Variants in MAP6 observed in about 807,000 individuals in gnomAD.
MAP6 encodes microtubule associated protein 6.
Under a neutral mutation model 42.4 loss-of-function variants are expected in MAP6, and 26 were observed. That is an observed-to-expected ratio of 0.61 (90% confidence interval 0.45 to 0.85). MAP6 has a LOEUF of 0.85. Among genes scored for constraint, MAP6 ranks in the 40% least tolerant of loss-of-function variants. The pLI, the probability that MAP6 is intolerant of heterozygous loss-of-function variation, is 0.00. For synonymous variants in MAP6, 418 were observed against 443.8 expected (o/e 0.94, Z 0.73); for missense variants, 966 against 1,099.0 (o/e 0.88, Z 1.71).
At chr11:75,657,775 AC>A (rs1170048650) in intron 1 of MAP6, among the ~76,000 whole-genome samples, 1 of 152,166 alleles carries the variant, frequency 6.6e-6, no homozygotes, top group Non-Finnish European at 1.5e-5. Flanking sequence ...TTCAAAGCCA[AC>A]AACCGCCAGT....
intron 1 of MAP6, among the ~76,000 whole-genome samples, chr11:75,658,992 C>T (rs1160253272): frequency 6.6e-6 from 1 of 152,204 alleles, no homozygotes; most frequent in Non-Finnish European, 1.5e-5. Flanking sequence ...TGTCTCTGTC[C>T]AATAACCATA....
chr11:75,619,961 C>T (rs982809390), intron 1 of MAP6, among the ~76,000 whole-genome samples: 2 of 152,156 alleles, frequency 1.3e-5, no homozygotes, highest in African/African-American at 4.8e-5. Flanking sequence ...CCTTTTTCTC[C>T]TCTACCTCAC....
intron 1 of MAP6, among the ~76,000 whole-genome samples, chr11:75,608,750 CTGATA>C (rs1942828859): frequency 6.6e-6 from 1 of 152,232 alleles, no homozygotes; most frequent in South Asian, 2.1e-4. Flanking sequence ...GGCACACTGT[CTGATA>C]TATTGTGGCA....
chr11:75,651,933 C>T (rs1055499974), intron 1 of MAP6, among the ~76,000 whole-genome samples: 4 of 152,120 alleles, frequency 2.6e-5, no homozygotes, highest in African/African-American at 9.7e-5. Context: ...CAGATACAGC[C>T]CTCTGCCTGT....
At chr11:75,649,195 TAC>T (rs1201636035) in intron 1 of MAP6, among the ~76,000 whole-genome samples, 27 of 152,340 alleles carry the variant, frequency 1.8e-4, no homozygotes, top group Admixed American at 6.5e-4. Flanking sequence ...GGCAGATTTA[TAC>T]AGCCATTAAA....
At chr11:75,648,564 T>C (rs115691056) in intron 1 of MAP6, among the ~76,000 whole-genome samples, 2 of 152,144 alleles carry the variant, frequency 1.3e-5, no homozygotes, top group African/African-American at 4.8e-5. Context: ...TTTATAACTT[T>C]GGGATAGTGA....
At chr11:75,656,596 AC>A (rs1261570868) in intron 1 of MAP6, among the ~76,000 whole-genome samples, 4 of 152,056 alleles carry the variant, frequency 2.6e-5, no homozygotes, top group African/African-American at 9.7e-5. Flanking sequence ...CTCCTCCCTC[AC>A]ATACCAGAGA....
At chr11:75,610,647 A>G (rs1480631209) in intron 1 of MAP6, among the ~76,000 whole-genome samples, 1 of 152,178 alleles carries the variant, frequency 6.6e-6, no homozygotes. Context: ...TTAGTTTTGG[A>G]AAGAGAATTT....
chr11:75,642,757 A>G (rs1215337015), intron 1 of MAP6: 1 of 321,982 alleles, frequency 3.1e-6, no homozygotes, highest in Non-Finnish European at 6.7e-6. Context: ...TGGAATGCCA[A>G]GGCTAAAAGC....
intron 3 of MAP6, chr11:75,604,073 G>A: frequency 2.0e-6 from 2 of 985,840 alleles, no homozygotes; most frequent in Non-Finnish European, 2.4e-6. Context: ...CATAAACACG[G>A]AGACCCACCA....
chr11:75,616,514 C>G (rs1223164378), intron 1 of MAP6, among the ~76,000 whole-genome samples: 3 of 152,228 alleles, frequency 2.0e-5, no homozygotes, highest in Non-Finnish European at 2.9e-5. Context: ...CTCCTTCGTG[C>G]ACTCTGATGG....
intron 3 of MAP6, chr11:75,602,733 C>T: frequency 1.4e-6 from 1 of 707,682 alleles, no homozygotes; most frequent in Non-Finnish European, 1.7e-6. Context: ...AAGAGTCAAG[C>T]TGCATTATGG....
At chr11:75,639,134 G>C (rs1443408769) in intron 1 of MAP6, among the ~76,000 whole-genome samples, 4 of 152,154 alleles carry the variant, frequency 2.6e-5, no homozygotes, top group African/African-American at 7.2e-5. Flanking sequence ...AACAACTTTG[G>C]AAATTCAGAA....
intron 1 of MAP6, among the ~76,000 whole-genome samples, chr11:75,624,887 C>T (rs1024742695): frequency 2.6e-5 from 4 of 152,126 alleles, no homozygotes; most frequent in Non-Finnish European, 5.9e-5. Context: ...TGTTTCATGC[C>T]GCTGGGCCTC....
intron 1 of MAP6, among the ~76,000 whole-genome samples, chr11:75,653,335 T>A (rs1943681849): frequency 6.6e-6 from 1 of 152,192 alleles, no homozygotes; most frequent in Non-Finnish European, 1.5e-5. Context: ...GGAGGAGTCC[T>A]TGGGGCCCCT....
chr11:75,614,917 C>T (rs1370341183), intron 1 of MAP6, among the ~76,000 whole-genome samples: 1 of 152,160 alleles, frequency 6.6e-6, no homozygotes, highest in Non-Finnish European at 1.5e-5. Context: ...TGCAGCATGA[C>T]CTTAATGGAG....
At chr11:75,597,240 C>A (rs1942596233) in intron 3 of MAP6, 1 of 152,212 alleles carries the variant, frequency 6.6e-6, no homozygotes, top group Admixed American at 6.5e-5. Context: ...TCAGGTCTTT[C>A]CCTGCCACTC....
At position 75,587,915 on chromosome 11, in the gene MAP6, T is replaced by C; in HGVS notation, c.1586A>G (p.Gln529Arg). ...TGGAGGAACTGGGACCGAGGGACCTTGGTCCTTGACTGGTGCTGAGATAAC... is the reference window on the plus strand; with the variant it reads ...TGGAGGAACTGGGACCGAGGGACCTCGGTCCTTGACTGGTGCTGAGATAAC... ...SPVISAPVKD[Q>R]GPSVPVPPKN... Residue 529 changes from glutamine (Q) to arginine (R), a missense_variant, in exon 4 of 4, where the codon CAA becomes CGA. Transcript: ENST00000304771. The C allele has an allele frequency of 6.2e-7, 1 of 1,614,188 alleles. No homozygotes were observed. Among genetic ancestry groups the C allele is most frequent in the South Asian group, 1.1e-5 (1 of 91,080 alleles).
At chr11:75,637,139 G>A (rs1565272227) in intron 1 of MAP6, among the ~76,000 whole-genome samples, 2 of 152,308 alleles carry the variant, frequency 1.3e-5, no homozygotes, top group African/African-American at 4.8e-5. Context: ...AAAGAGTCAG[G>A]AAGCTTAAGC....
Sources: allele counts gnomAD v4.1 joint callset (sites outside exome capture counted in the v4.1 genomes callset), GRCh38; gene constraint gnomAD v4.1.1; transcripts MANE v1.5; gene names NCBI Gene and HGNC (gene_info 2026-07-23, HGNC 2026-07-21).